IMMP2L: variants seen among roughly 807,000 people sequenced by gnomAD.
IMMP2L encodes mitochondrial inner membrane protease subunit 2.
A neutral mutation model predicts 19.3 loss-of-function variants in IMMP2L; 18 were observed. That is an observed-to-expected ratio of 0.93 (90% CI 0.64 to 1.38). IMMP2L has a LOEUF of 1.38. IMMP2L is among the 40% of genes most tolerant of loss of function. The pLI, the probability that IMMP2L is intolerant of heterozygous loss-of-function variation, is 0.00. For synonymous variants in IMMP2L, 76 were observed against 73.0 expected (o/e 1.04, Z -0.21); for missense variants, 233 against 218.2 (o/e 1.07, Z -0.43).
intron 3 of IMMP2L, among the ~76,000 whole-genome samples, chr7:111,151,018 T>C (rs889790560): frequency 2.0e-5 from 3 of 152,166 alleles, no homozygotes; most frequent in Non-Finnish European, 2.9e-5. Context: ...GGTCAGAATG[T>C]TCTAGAGAAT....
chr7:111,198,665 A>C (rs1336871965), intron 3 of IMMP2L, among the ~76,000 whole-genome samples: 1 of 152,156 alleles, frequency 6.6e-6, no homozygotes, highest in Non-Finnish European at 1.5e-5. Context: ...ATAACTGCCT[A>C]CCAAAATCTT....
intron 5 of IMMP2L, among the ~76,000 whole-genome samples, chr7:110,874,453 T>C (rs1808860166): frequency 6.6e-6 from 1 of 152,002 alleles, no homozygotes; most frequent in Non-Finnish European, 1.5e-5. Flanking sequence ...GAAAGAGCAG[T>C]GAGATGGTTA....
chr7:111,500,174 A>G (rs922938328), intron 2 of IMMP2L, among the ~76,000 whole-genome samples: 1 of 152,188 alleles, frequency 6.6e-6, no homozygotes, highest in Non-Finnish European at 1.5e-5. Flanking sequence ...CACCTGGCTC[A>G]GAGGGTCCTA....
At chr7:110,986,885 G>A (rs1235206573) in intron 3 of IMMP2L, among the ~76,000 whole-genome samples, 1 of 151,090 alleles carries the variant, frequency 6.6e-6, no homozygotes, top group East Asian at 1.9e-4. Context: ...TTGGCTATAG[G>A]GCTCCACATA....
chr7:111,395,585 A>G (rs1405308645), intron 3 of IMMP2L, among the ~76,000 whole-genome samples: 2 of 152,192 alleles, frequency 1.3e-5, no homozygotes, highest in Admixed American at 6.5e-5. Flanking sequence ...GCTTTTTGGT[A>G]CTTTTACATA....
Position 111,025,927 on chromosome 7 carries a change from T to C in IMMP2L, c.240-62362A>G, listed in dbSNP as rs191910993. On this transcript the variant is annotated intron_variant, in intron 3 of 5. Transcript: ENST00000405709. ...TACTTGAAGTTTGAGCAGTCCATGA[T>C]TTATAATAGGCATATAACAAGTTCC... Among the ~76,000 whole-genome samples the C allele has an allele frequency of 1.3e-4, 20 of 152,262 alleles. No individual in the cohort carries two copies. In the East Asian group the frequency reaches 3.3e-3, roughly 25 times the overall value.
chr7:111,466,379 A>G (rs1175055790), intron 3 of IMMP2L, among the ~76,000 whole-genome samples: 1 of 152,186 alleles, frequency 6.6e-6, no homozygotes, highest in East Asian at 1.9e-4. Context: ...TTTTTAGGAA[A>G]GGGTAAGGAG....
At chr7:110,950,707 T>C (rs1424064038) in intron 4 of IMMP2L, among the ~76,000 whole-genome samples, 4 of 151,420 alleles carry the variant, frequency 2.6e-5, no homozygotes, top group Non-Finnish European at 5.9e-5. Flanking sequence ...GATATAGTAA[T>C]GGTGTGTTAT....
intron 4 of IMMP2L, among the ~76,000 whole-genome samples, chr7:110,925,636 G>A (rs1396051643): frequency 6.6e-6 from 1 of 151,850 alleles, no homozygotes; most frequent in African/African-American, 2.4e-5. Flanking sequence ...TTAAAAAGTT[G>A]GTGAATTTGG....
chr7:110,692,262 C>T (rs569252614), intron 5 of IMMP2L, among the ~76,000 whole-genome samples: 18 of 152,108 alleles, frequency 1.2e-4, no homozygotes, highest in Non-Finnish European at 2.1e-4. Context: ...AAATACCATA[C>T]GTTCTCATTC....
At chr7:111,061,646 G>T (rs1458432808) in intron 3 of IMMP2L, among the ~76,000 whole-genome samples, 2 of 152,070 alleles carry the variant, frequency 1.3e-5, no homozygotes, top group Non-Finnish European at 2.9e-5. Flanking sequence ...TCCATGCCAG[G>T]CTCAGGTCTT....
intron 3 of IMMP2L, among the ~76,000 whole-genome samples, chr7:111,053,577 G>T (rs143207969): frequency 6.6e-6 from 1 of 152,328 alleles, no homozygotes; most frequent in African/African-American, 2.4e-5. Context: ...ATTTTAGAGA[G>T]ACAGGGTGAC....
chr7:111,418,882 T>C (rs932323384), intron 3 of IMMP2L, among the ~76,000 whole-genome samples: 5 of 151,858 alleles, frequency 3.3e-5, no homozygotes, highest in African/African-American at 9.7e-5. Flanking sequence ...ATGCCACTTA[T>C]GCAAATAGTC....
chr7:111,240,550 A>G (rs1348661402), intron 3 of IMMP2L, among the ~76,000 whole-genome samples: 1 of 151,986 alleles, frequency 6.6e-6, no homozygotes, highest in South Asian at 2.1e-4. Flanking sequence ...AAGAAGAACC[A>G]GCTGCAAAAA....
intron 3 of IMMP2L, among the ~76,000 whole-genome samples, chr7:111,060,199 C>A (rs1793895189): frequency 1.3e-5 from 2 of 152,218 alleles, no homozygotes; most frequent in African/African-American, 2.4e-5. Context: ...AAGCCTATTA[C>A]TGACAATTCA....
chr7:110,694,629 G>C (rs563506422), intron 5 of IMMP2L, among the ~76,000 whole-genome samples: 6 of 152,114 alleles, frequency 3.9e-5, no homozygotes, highest in Non-Finnish European at 8.8e-5. Flanking sequence ...CAGAGAGAGC[G>C]AGAGAAAGAG....
At chr7:110,863,299 C>T (rs1163537980) in intron 5 of IMMP2L, among the ~76,000 whole-genome samples, 2 of 152,090 alleles carry the variant, frequency 1.3e-5, no homozygotes, top group African/African-American at 2.4e-5. Flanking sequence ...CCACACATCT[C>T]CTTCTTTTGG....
At chr7:110,714,493 A>T (rs1034431856) in intron 5 of IMMP2L, among the ~76,000 whole-genome samples, 5 of 152,080 alleles carry the variant, frequency 3.3e-5, no homozygotes, top group African/African-American at 1.2e-4. Context: ...CTCCTCCTCA[A>T]CTTCCTTTTT....
At chr7:110,934,532 A>G (rs1021205727) in intron 4 of IMMP2L, among the ~76,000 whole-genome samples, 3 of 152,174 alleles carry the variant, frequency 2.0e-5, no homozygotes, top group African/African-American at 7.2e-5. Flanking sequence ...CTCTTTGTAT[A>G]TAAGAAGAAA....
Sources: gnomAD v4.1 joint callset for allele counts (sites outside exome capture counted in the v4.1 genomes callset) on GRCh38, gnomAD v4.1.1 for gene constraint, MANE v1.5 for transcripts, NCBI Gene and HGNC (gene_info 2026-07-23, HGNC 2026-07-21) for gene names.